Variants in AREL1 observed in about 807,000 individuals in gnomAD.
The protein encoded by AREL1 is apoptosis-resistant E3 ubiquitin protein ligase 1.
Under a neutral mutation model 99.0 loss-of-function variants are expected in AREL1, and 62 were observed. The observed-to-expected ratio is 0.63, with a 90% CI of 0.51 to 0.77. AREL1 has a LOEUF of 0.77. AREL1 is among the 30% of genes least tolerant of loss of function. The pLI, the probability that AREL1 is intolerant of heterozygous loss-of-function variation, is 0.00. For missense variants in AREL1, 879 were observed against 1,027.6 expected (o/e 0.86, Z 1.98); for synonymous variants, 380 against 376.5 (o/e 1.01, Z -0.11).
chr14:74,683,662 C>A (rs1277218020), intron 4 of AREL1, 129 bp from the exon 5 acceptor site: 3 of 732,584 alleles, frequency 4.1e-6, no homozygotes, highest in South Asian at 3.5e-5. Flanking sequence ...CTACCCTGTT[C>A]CTCACAGTCC....
chr14:74,679,859 TA>T (rs2089588931), intron 5 of AREL1, among the ~76,000 whole-genome samples: 1 of 144,390 alleles, frequency 6.9e-6, no homozygotes, highest in South Asian at 2.3e-4. Flanking sequence ...AATAAATAAA[TA>T]AATAATAATA....
intron 1 of AREL1, among the ~76,000 whole-genome samples, chr14:74,697,084 A>G (rs1418109363): frequency 6.6e-6 from 1 of 152,212 alleles, no homozygotes; most frequent in Non-Finnish European, 1.5e-5. Context: ...GTTTGAGGCT[A>G]CAGTGAGCTG....
chr14:74,698,934 G>A (rs2090026125), intron 1 of AREL1: 2 of 156,996 alleles, frequency 1.3e-5, no homozygotes, highest in East Asian at 1.8e-4. Context: ...TGAGGTGGGA[G>A]GATCATTTGA....
chr14:74,677,496 TCTC>T (rs2089514859), intron 5 of AREL1, among the ~76,000 whole-genome samples: 2 of 135,292 alleles, frequency 1.5e-5, no homozygotes, highest in Non-Finnish European at 1.6e-5. Flanking sequence ...ACCCTGTCTC[TCTC>T]CTTTTTTTTT....
At chr14:74,695,162 C>G (rs1260686248) in intron 1 of AREL1, among the ~76,000 whole-genome samples, 2 of 151,004 alleles carry the variant, frequency 1.3e-5, no homozygotes, top group African/African-American at 4.9e-5. Context: ...TCACTACAAC[C>G]TCCACCTCCT....
chr14:74,708,262 G>A (rs985570520), intron 1 of AREL1, among the ~76,000 whole-genome samples: 2 of 151,980 alleles, frequency 1.3e-5, no homozygotes, highest in Non-Finnish European at 2.9e-5. Context: ...ATTACAGATG[G>A]TGCTCCCCTT....
chr14:74,702,098 A>G (rs2090096114), intron 1 of AREL1, among the ~76,000 whole-genome samples: 2 of 152,232 alleles, frequency 1.3e-5, no homozygotes, highest in African/African-American at 4.8e-5. Flanking sequence ...TTTTCCAGGC[A>G]CATGGTACAA....
At chr14:74,706,739 G>A (rs2090185788) in intron 1 of AREL1, among the ~76,000 whole-genome samples, 1 of 152,136 alleles carries the variant, frequency 6.6e-6, no homozygotes. Flanking sequence ...AAACATAAAA[G>A]CTTAGTAAAG....
chr14:74,682,723 T>C (rs2089657604), intron 5 of AREL1, among the ~76,000 whole-genome samples: 1 of 152,148 alleles, frequency 6.6e-6, no homozygotes, highest in South Asian at 2.1e-4. Flanking sequence ...TGGTAATGAA[T>C]AAGCTCTTGT....
intron 1 of AREL1, chr14:74,712,055 A>G (rs1594776508): frequency 2.2e-4 from 12 of 53,548 alleles, no homozygotes; most frequent in African/African-American, 3.1e-4. Context: ...AAAAAAAAAA[A>G]AAAAAAAAAA....
chr14:74,705,815 G>GT (rs1368864620), intron 1 of AREL1, among the ~76,000 whole-genome samples: 1 of 152,130 alleles, frequency 6.6e-6, no homozygotes, highest in Non-Finnish European at 1.5e-5. Flanking sequence ...ATTTCTTTTT[G>GT]TATAGTATAC....
At position 74,663,754 on chromosome 14, in the gene AREL1, A is replaced by G; in HGVS notation, c.2438T>C (p.Ile813Thr). 2.5e-6 allele frequency: 4 copies of G among 1,614,174 alleles called. No individual in the cohort carries two copies. Among genetic ancestry groups the G allele is most frequent in the Non-Finnish European group, 3.4e-6 (4 of 1,180,032 alleles). ...GCCAAAGCCCTCGCAACCCTCGCTG[A>G]TGGCCAGCTGCAGCATCCTGTGCAC... ...EEVHRMLQLAISEGCEGFGML is the reference protein window; with the variant it reads ...EEVHRMLQLATSEGCEGFGML Residue 813 changes from isoleucine to threonine, a missense_variant, in exon 20 of 20, where the codon ATC (isoleucine) becomes ACC (threonine). Coordinates refer to ENST00000356357, the MANE Select transcript of AREL1 (RefSeq NM_001039479.2).
chr14:74,687,532 G>A (rs1486942418), intron 2 of AREL1, among the ~76,000 whole-genome samples: 1 of 152,134 alleles, frequency 6.6e-6, no homozygotes, highest in Non-Finnish European at 1.5e-5. Context: ...ATAACAAATA[G>A]CATAAGATAG....
chr14:74,710,140 AT>A (rs1208962385), intron 1 of AREL1, among the ~76,000 whole-genome samples: 2 of 152,186 alleles, frequency 1.3e-5, no homozygotes, highest in Non-Finnish European at 2.9e-5. Flanking sequence ...CCCACTTTCC[AT>A]CCCCATCAAA....
chr14:74,699,308 C>T (rs1281330314), intron 1 of AREL1, among the ~76,000 whole-genome samples: 1 of 151,680 alleles, frequency 6.6e-6, no homozygotes, highest in African/African-American at 2.4e-5. Flanking sequence ...TCAAAGTTAA[C>T]TGGCATGTCT....
At chr14:74,670,971 T>C (rs927632645) in intron 12 of AREL1, 100 bp from the exon 13 acceptor site, 6 of 861,800 alleles carry the variant, frequency 7.0e-6, no homozygotes, top group Non-Finnish European at 9.3e-6. Flanking sequence ...TTCCCTCTAT[T>C]GTACTACTCT....
Position 74,671,450 on chromosome 14 carries a change from C to A in AREL1, c.1456G>T (p.Asp486Tyr). 6.3e-7 allele frequency: 1 copy of A among 1,582,150 alleles called. No individual in the cohort carries two copies. Among genetic ancestry groups the A allele is most frequent in the Non-Finnish European group, 8.6e-7 (1 of 1,165,208 alleles). Residue 486 changes from aspartate (D) to tyrosine (Y), a missense_variant, in exon 12 of 20, where the codon GAT (aspartate) becomes TAT (tyrosine). Coordinates refer to ENST00000356357, the MANE Select transcript of AREL1 (RefSeq NM_001039479.2). ...ACAACCTCAAAGTTCTTGCTCCAAT[C>A]TGAGATGGAGAAATTCCGAGTGGCT... The part of the protein sequence containing the change: ...LKATRNFSIS[D>Y]WSKNFEVVFQ...
Position 74,661,837 on chromosome 14 carries a change from G to A in AREL1, c.*1883C>T, listed in dbSNP as rs536064373. ...AGCTTAAAATGACAGGTCTAGCCAAGACAATCAACTCAATCTCCAGGATCA... is the reference window on the plus strand; with the variant it reads ...AGCTTAAAATGACAGGTCTAGCCAAAACAATCAACTCAATCTCCAGGATCA... On this transcript the variant is annotated 3_prime_UTR_variant, in exon 20 of 20. Coordinates refer to ENST00000356357, the MANE Select transcript of AREL1 (RefSeq NM_001039479.2). 4 of 152,494 alleles carry A rather than the reference G, an allele frequency of 2.6e-5. No individual in the cohort carries two copies. The highest frequency in any genetic ancestry group is 9.6e-5 in the African/African-American group (4 of 41,548). The allele number at this position is 152,494 out of a possible 1,614,324, so 9.4% of individuals were successfully genotyped here. A position where few individuals can be genotyped will look rare whatever the true frequency, so the allele number is the denominator to read the frequency against.
Position 74,664,018 on chromosome 14 carries a change from C to A in AREL1, c.2250G>T (p.Arg750=). 6.2e-7 allele frequency: 1 copy of A among 1,614,126 alleles called. No individual in the cohort carries two copies. Among genetic ancestry groups the A allele is most frequent in the Non-Finnish European group, 8.5e-7 (1 of 1,180,018 alleles). The part of the protein sequence containing the change: ...VSSLTQEELA[R]LLQFTTGSSQ... ...AGGAGCCTGTTGTGAACTGAAGTAG[C>A]CGAGCCAACTCCTCCTGGGTCAGAC... Residue 750 remains arginine, a synonymous_variant, in exon 19 of 20, where the codon CGG becomes CGT. Coordinates refer to ENST00000356357, the MANE Select transcript of AREL1 (RefSeq NM_001039479.2).
Sources: gnomAD v4.1 joint callset for allele counts (sites outside exome capture counted in the v4.1 genomes callset) on GRCh38, gnomAD v4.1.1 for gene constraint, MANE v1.5 for transcripts, NCBI Gene and HGNC (gene_info 2026-07-23, HGNC 2026-07-21) for gene names.